PRKDC: variants seen among roughly 807,000 people sequenced by gnomAD.
PRKDC encodes the protein DNA-dependent protein kinase catalytic subunit.
Under a neutral mutation model 486.9 loss-of-function variants are expected in PRKDC, and 82 were observed. The ratio of observed to expected loss-of-function variants is 0.17; its 90% CI spans 0.14 to 0.20. The LOEUF (loss-of-function observed/expected upper bound fraction) is 0.20, where lower values mean the gene tolerates loss of function less well. Ranked by LOEUF, PRKDC falls within the 10% of genes least tolerant of loss-of-function variation. PRKDC has a pLI of 1.00. For synonymous variants in PRKDC, 1,895 were observed against 1,837.0 expected (o/e 1.03, Z -0.81); for missense variants, 4,504 against 5,038.2 (o/e 0.89, Z 3.21).
At chr8:47,833,353 C>T (rs751736603) in intron 59 of PRKDC, among the ~76,000 whole-genome samples, 4 of 152,128 alleles carry the variant, frequency 2.6e-5, no homozygotes, top group African/African-American at 4.8e-5. Context: ...TCCCTGCTGG[C>T]GCTCCCCCAG....
chr8:47,831,301 C>T (rs1345935798), intron 60 of PRKDC, among the ~76,000 whole-genome samples: 1 of 152,248 alleles, frequency 6.6e-6, no homozygotes, highest in African/African-American at 2.4e-5. Flanking sequence ...GCGGCGGCGG[C>T]TGGCGCTGAA....
intron 73 of PRKDC, among the ~76,000 whole-genome samples, chr8:47,794,794 T>C (rs1265048296): frequency 6.6e-6 from 1 of 152,238 alleles, no homozygotes; most frequent in East Asian, 1.9e-4. Flanking sequence ...CTGGCGGCTA[T>C]GTAGTATTCC....
At chr8:47,892,707 A>T (rs1023573852) in intron 31 of PRKDC, among the ~76,000 whole-genome samples, 1 of 152,178 alleles carries the variant, frequency 6.6e-6, no homozygotes, top group East Asian at 1.9e-4. Context: ...AGCAAAAAAA[A>T]CTTAATACTT....
At chr8:47,838,590 T>G (rs371284527) in intron 56 of PRKDC, among the ~76,000 whole-genome samples, 1 of 152,192 alleles carries the variant, frequency 6.6e-6, no homozygotes, top group South Asian at 2.1e-4. Flanking sequence ...CCAGCCTGGG[T>G]GCCAGAGCAA....
intron 70 of PRKDC, among the ~76,000 whole-genome samples, chr8:47,801,650 C>A (rs2087111037): frequency 6.6e-6 from 1 of 152,132 alleles, no homozygotes; most frequent in Non-Finnish European, 1.5e-5. Context: ...TATTAATAAT[C>A]CAGAGTAGAT....
chr8:47,788,748 C>A (rs1323807021), intron 76 of PRKDC, among the ~76,000 whole-genome samples, 158 bp downstream of exon 76: 2 of 152,200 alleles, frequency 1.3e-5, no homozygotes, highest in African/African-American at 4.8e-5. Context: ...CAATGTGTCA[C>A]AGAAAGCATG....
chr8:47,778,848 TAAAATTTAAATTTTAA>T (rs1004525963), intron 81 of PRKDC, 49 bp from the exon 82 acceptor site: 3 of 1,547,894 alleles, frequency 1.9e-6, no homozygotes, highest in Non-Finnish European at 2.6e-6. Flanking sequence ...TTCTCTGACT[TAAAATTTAAATTTTAA>T]AACTTTTTGT....
rs750567576 is a variant in PRKDC, at chr8:47,834,406, G to T, written c.7952-10C>A. On this transcript the variant is annotated splice_polypyrimidine_tract_variant and intron_variant, in intron 58 of 85. Coordinates refer to ENST00000314191, the MANE Select transcript of PRKDC (RefSeq NM_006904.7). ...AATGAGCTTCTTCCATCTGTGACATGCAATCAGAGAGGTCAGGCACTCAGC... is the reference window on the plus strand; with the variant it reads ...AATGAGCTTCTTCCATCTGTGACATTCAATCAGAGAGGTCAGGCACTCAGC... 4.3e-6 allele frequency: 7 copies of T among 1,612,266 alleles called. No homozygotes were observed. The highest frequency in any genetic ancestry group is 5.9e-6 in the Non-Finnish European group (7 of 1,179,466).
chr8:47,954,242 A>G (rs1348459849), intron 5 of PRKDC, 96 bp downstream of exon 5: 4 of 560,892 alleles, frequency 7.1e-6, no homozygotes, highest in Non-Finnish European at 1.1e-5. Flanking sequence ...CGACTGTAAA[A>G]TAAGACCTTG....
intron 7 of PRKDC, among the ~76,000 whole-genome samples, chr8:47,948,098 GCA>G (rs141437463): frequency 0.02 from 2,756 of 139,862 alleles, 59 homozygotes; most frequent in African/African-American, 0.05. Flanking sequence ...AAATATATTT[GCA>G]CACACACACA....
intron 58 of PRKDC, 41 bp downstream of exon 58, chr8:47,836,297 A>G (rs1357658746): frequency 6.8e-7 from 1 of 1,465,576 alleles, no homozygotes; most frequent in Non-Finnish European, 9.1e-7. Flanking sequence ...CACAGAGGTC[A>G]GGGTGCTGTA....
rs1335669005 is a variant in PRKDC, at chr8:47,889,241, TAA to T, written c.4072-21_4072-20del. 4.5e-6 allele frequency: 7 copies of T among 1,569,326 alleles called. No homozygotes were observed. Among genetic ancestry groups the T allele is most frequent in the Non-Finnish European group, 6.1e-6 (7 of 1,155,684 alleles). ...TCAGGAGCTGTAACAGATTGTTTGATAAAAACACTTCGTCAGCCAGCACTTCT... is the reference window on the plus strand; with the variant it reads ...TCAGGAGCTGTAACAGATTGTTTGATAAACACTTCGTCAGCCAGCACTTCT... On this transcript the variant is annotated intron_variant, in intron 32 of 85. Transcript: ENST00000314191.
intron 21 of PRKDC, among the ~76,000 whole-genome samples, chr8:47,920,608 T>G (rs546425224): frequency 2.5e-4 from 38 of 152,312 alleles, no homozygotes; most frequent in South Asian, 6.2e-4. Flanking sequence ...TTTGGGATCA[T>G]TTAGGAATAT....
At chr8:47,800,286 T>C (rs949765586) in intron 71 of PRKDC, among the ~76,000 whole-genome samples, 4 of 152,068 alleles carry the variant, frequency 2.6e-5, no homozygotes, top group South Asian at 2.1e-4. Context: ...CCATAAAAAA[T>C]GATGAGTTCA....
At chr8:47,802,597 C>A (rs898905846) in intron 70 of PRKDC, among the ~76,000 whole-genome samples, 1 of 151,686 alleles carries the variant, frequency 6.6e-6, no homozygotes, top group Non-Finnish European at 1.5e-5. Flanking sequence ...CCTGCCTCAG[C>A]CTCCAGAGCA....
intron 61 of PRKDC, 33 bp downstream of exon 61, chr8:47,830,572 C>G (rs769765662): frequency 3.1e-6 from 5 of 1,606,906 alleles, no homozygotes; most frequent in Non-Finnish European, 4.3e-6. Context: ...AGATTTTAAC[C>G]TGTCAACAGA....
At chr8:47,779,641 G>A (rs1210054056) in intron 80 of PRKDC, among the ~76,000 whole-genome samples, 2 of 152,182 alleles carry the variant, frequency 1.3e-5, no homozygotes, top group Non-Finnish European at 2.9e-5. Flanking sequence ...CCAGGCTGGA[G>A]TGCAGTGGTG....
intron 30 of PRKDC, among the ~76,000 whole-genome samples, chr8:47,893,908 T>C (rs958832779): frequency 6.6e-6 from 1 of 152,222 alleles, no homozygotes; most frequent in Non-Finnish European, 1.5e-5. Context: ...TTGTATGCTC[T>C]GAAATCAGTA....
chr8:47,880,952 C>T (rs1306595411), intron 38 of PRKDC, among the ~76,000 whole-genome samples: 1 of 150,550 alleles, frequency 6.6e-6, no homozygotes, highest in African/African-American at 2.4e-5. Flanking sequence ...GAGGCTGAGG[C>T]ACAAGAATCA....
Sources: gnomAD v4.1 joint callset for allele counts (sites outside exome capture counted in the v4.1 genomes callset) on GRCh38, gnomAD v4.1.1 for gene constraint, MANE v1.5 for transcripts, NCBI Gene and HGNC (gene_info 2026-07-23, HGNC 2026-07-21) for gene names.